Variants in HR observed in about 807,000 individuals in gnomAD.
The protein encoded by HR is lysine-specific demethylase hairless.
HR carries 83 observed loss-of-function variants against 128.6 expected under a neutral mutation model. That is an observed-to-expected ratio of 0.65 (90% CI 0.54 to 0.77). The LOEUF (loss-of-function observed/expected upper bound fraction) is 0.77, where lower values mean the gene tolerates loss of function less well. Among genes scored for constraint, HR ranks in the 30% least tolerant of loss-of-function variants. HR has a pLI of 0.00. For synonymous variants in HR, 681 were observed against 658.2 expected (o/e 1.03, Z -0.53); for missense variants, 1,490 against 1,574.6 (o/e 0.95, Z 0.91).
At chr8:22,124,481 G>A (rs56407465) in intron 5 of HR, among the ~76,000 whole-genome samples, 16,138 of 152,242 alleles carry the variant, frequency 0.11, 2,371 homozygotes, top group African/African-American at 0.33. Flanking sequence ...TTCAACGAAC[G>A]CCTTGCCTTT....
At chr8:22,120,690 G>A (rs766806568) in intron 11 of HR, 26 bp downstream of exon 11, 43 of 1,490,988 alleles carry the variant, frequency 2.9e-5, no homozygotes, top group East Asian at 5.0e-5. Context: ...GGCCAGGGCC[G>A]GGAGGGGAGG....
chr8:22,115,758 T>A lies in HR; in HGVS notation c.3512A>T (p.Asp1171Val). The A allele has an allele frequency of 6.2e-7, 1 of 1,613,750 alleles. No individual in the cohort carries two copies. Among genetic ancestry groups the A allele is most frequent in the Non-Finnish European group, 8.5e-7 (1 of 1,179,926 alleles). ...PDCHLLYAQM[D>V]WAVFQAVKVA... is the part of the protein sequence containing the mutation. ...CTTCACTGCTTGGAACACAGCCCAG[T>A]CCATCTAGGAAAAAGAGAGAGGACA... The change falls in exon 19 of 19, where the codon GAC becomes GTC. Residue 1171 changes from aspartate (D) to valine (V), a missense_variant. By Grantham distance (152) the Asp-to-Val change is radical. Coordinates refer to ENST00000381418, the MANE Select transcript of HR (RefSeq NM_005144.5).
At position 22,115,686 on chromosome 8, in the gene HR, C is replaced by T; in HGVS notation, c.*14G>A. 6.2e-7 allele frequency: 1 copy of T among 1,613,334 alleles called. No individual in the cohort carries two copies. Among genetic ancestry groups the T allele is most frequent in the East Asian group, 2.2e-5 (1 of 44,864 alleles). The stretch of plus-strand genomic sequence containing the variant: ...TACCTGTCCCCACCCCGATCCCAGA[C>T]ACCTAGCATCCCTCTATTTGGCCTC... On this transcript the variant is annotated 3_prime_UTR_variant, in exon 19 of 19. Transcript: ENST00000381418.
rs1260074598 is a variant in HR at position 22,127,097 on chromosome 8, C to T, written c.1345G>A (p.Val449Met). The T allele has an allele frequency of 6.2e-7, 1 of 1,611,102 alleles. No homozygotes were observed. The highest frequency in any genetic ancestry group is 1.3e-5 in the African/African-American group (1 of 74,902). Residue 449 changes from valine to methionine, a missense_variant, in exon 3 of 19, where the codon GTG becomes ATG. Val to Met is a conservative substitution (Grantham distance 21, BLOSUM62 1). Transcript: ENST00000381418. Reference protein sequence around the residue: ...AEQGAGGWQEVRDTSIGNKDV... With the variant: ...AEQGAGGWQEMRDTSIGNKDV... ...TTGTTCCCTATCGATGTGTCCCGCA[C>T]CTCCTGCCAACCCCCAGCCCCCTGT... is the stretch of plus-strand genomic sequence containing the variant.
At position 22,129,201 on chromosome 8, in the gene HR, A is replaced by AG. The variant is rs747745245; in HGVS notation, c.-32dup. 4.6e-6 allele frequency: 7 copies of AG among 1,517,202 alleles called. No individual in the cohort carries two copies. Among genetic ancestry groups the AG allele is most frequent in the Admixed American group, 2.3e-5 (1 of 44,128 alleles). 94.0% of individuals were successfully genotyped at this position (1,517,202 alleles called of 1,614,324 possible). ...TCCTGCCCTCATGGGGCTCTCCCAG[A>AG]GGGGGGTCCCTGGAGCATAACCATC... On this transcript the variant is annotated 5_prime_UTR_variant, in exon 2 of 19. Transcript: ENST00000381418.
At position 22,122,534 on chromosome 8, in the gene HR, C is replaced by T; in HGVS notation, c.2080G>A (p.Ala694Thr). 9 of 1,612,046 alleles carry T rather than the reference C, an allele frequency of 5.6e-6. No individual in the cohort carries two copies. Among genetic ancestry groups the T allele is most frequent in the Non-Finnish European group, 5.9e-6 (7 of 1,179,392 alleles). Residue 694 changes from alanine to threonine, a missense_variant, in exon 8 of 19, where the codon GCT (alanine) becomes ACT (threonine). By Grantham distance (58) the Ala-to-Thr change is moderately conservative (BLOSUM62 0). This residue lies in a region of HR where 1,060 missense variants were observed against 1,060.9 expected (regional missense o/e 1.00). Transcript: ENST00000381418. ...CCGGGGGCCCATACCCGGGCATCAG[C>T]TTGGCAGGGGCAGTGCCCCCGGATA... ...FDIRGHCPCQ[A>T]DARVWAPGDA...
chr8:22,130,761 G>C lies in HR; in HGVS notation c.-374C>G, dbSNP rs1256592439. On this transcript the variant is annotated 5_prime_UTR_variant, in exon 1 of 19. Transcript: ENST00000381418. The stretch of plus-strand genomic sequence containing the variant: ...CGGGGAGGGCCGGGCCGGGGCTAGG[G>C]AGCGGGTGCCCCCGGAGGGAGAGAA... 2 of 152,310 alleles carry C rather than the reference G, an allele frequency of 1.3e-5. No individual in the cohort carries two copies. The highest frequency in any genetic ancestry group is 4.8e-5 in the African/African-American group (2 of 41,546). 9.4% of individuals were successfully genotyped at this position (152,310 alleles called of 1,614,324 possible).
chr8:22,123,535 C>T (rs1826806353), intron 6 of HR, 114 bp downstream of exon 6: 1 of 1,009,382 alleles, frequency 9.9e-7, no homozygotes, highest in African/African-American at 1.6e-5. Flanking sequence ...GAGGCTGGGG[C>T]TGTGCAGTGG....
intron 3 of HR, among the ~76,000 whole-genome samples, chr8:22,126,331 A>T (rs1455452827): frequency 6.6e-6 from 1 of 152,220 alleles, no homozygotes. Flanking sequence ...GAAAAAACCG[A>T]AGTGATCCCA....
At chr8:22,126,920 G>T in intron 3 of HR, 117 bp downstream of exon 3, 1 of 1,023,578 alleles carries the variant, frequency 9.8e-7, no homozygotes, top group Non-Finnish European at 1.4e-6. Context: ...ATCCAGGTGG[G>T]AGCCTGACCA....
At chr8:22,118,575 C>T (rs1826649824) in intron 16 of HR, 1 of 295,226 alleles carries the variant, frequency 3.4e-6, no homozygotes, top group Admixed American at 4.6e-5. Flanking sequence ...CCCAGCCCTG[C>T]CACTGAGCTT....
chr8:22,121,344 C>G, intron 9 of HR, 116 bp from the exon 10 acceptor site: 2 of 1,331,976 alleles, frequency 1.5e-6, no homozygotes, highest in Admixed American at 2.0e-5. Context: ...TCTCCCCAGC[C>G]AGCATCCCCC....
At chr8:22,122,425 C>G in intron 8 of HR, 68 bp downstream of exon 8, 1 of 1,157,468 alleles carries the variant, frequency 8.6e-7, no homozygotes, top group Non-Finnish European at 1.3e-6. Context: ...AAAGGGGGGG[C>G]CAAACCCCTG....
At chr8:22,121,264 T>G (rs1444657782) in intron 9 of HR, 36 bp from the exon 10 acceptor site, 19 of 1,609,088 alleles carry the variant, frequency 1.2e-5, no homozygotes, top group Non-Finnish European at 1.6e-5. Flanking sequence ...GCTTCGCGTT[T>G]GGTCCCTCCT....
intron 5 of HR, 152 bp downstream of exon 5, chr8:22,125,159 A>G: frequency 1.4e-6 from 1 of 722,814 alleles, no homozygotes; most frequent in Non-Finnish European, 2.2e-6. Context: ...GGCTGTACCC[A>G]GTTTGACACC....
chr8:22,119,603 G>A (rs1298711257), intron 14 of HR, among the ~76,000 whole-genome samples, 157 bp downstream of exon 14: 9 of 149,982 alleles, frequency 6.0e-5, no homozygotes, highest in African/African-American at 2.2e-4. Flanking sequence ...GCAAAACTCC[G>A]TCTCAACAAC....
chr8:22,130,253 C>T (rs2131771516), intron 1 of HR, among the ~76,000 whole-genome samples, 175 bp downstream of exon 1: 1 of 152,348 alleles, frequency 6.6e-6, no homozygotes, highest in South Asian at 2.1e-4. Context: ...CCCAGGTTTT[C>T]TGGAGCCACC....
At position 22,125,619 on chromosome 8, in the gene HR, C is replaced by T. The variant is rs1279953503; in HGVS notation, c.1519G>A (p.Gly507Arg). The T allele has an allele frequency of 6.2e-7, 1 of 1,608,674 alleles. No individual in the cohort carries two copies. The highest frequency in any genetic ancestry group is 1.3e-5 in the African/African-American group (1 of 74,876). Reference sequence around the variant, plus strand: ...TGAGAGTGGCAGGCGTGCCCTCCTCCCTCTCCAGCTGCCTGGGCACAACTT... The same window carrying T: ...TGAGAGTGGCAGGCGTGCCCTCCTCTCTCTCCAGCTGCCTGGGCACAACTT... ...CQSCAQAAGE[G>R]GGHACHSQQV... Residue 507 changes from glycine to arginine, a missense_variant, in exon 4 of 19, where the codon GGA becomes AGA. Physicochemically the swap from Gly to Arg is moderately radical, Grantham distance 125 (BLOSUM62 -2). Transcript: ENST00000381418.
chr8:22,121,714 C>A lies in HR; in HGVS notation c.2122-20G>T, dbSNP rs753562307. On this transcript the variant is annotated intron_variant, in intron 8 of 18. Transcript: ENST00000381418. ...TTCCTTCTGTTAAACCCATCCACCACCCCCCCAATCCAACCAGAGATTTTA... is the reference window on the plus strand; with the variant it reads ...TTCCTTCTGTTAAACCCATCCACCAACCCCCCAATCCAACCAGAGATTTTA... 2 of 1,603,304 alleles carry A rather than the reference C, an allele frequency of 1.2e-6. No individual in the cohort carries two copies. The highest frequency in any genetic ancestry group is 1.1e-5 in the South Asian group (1 of 90,844).
Sources: allele counts gnomAD v4.1 joint callset (sites outside exome capture counted in the v4.1 genomes callset), GRCh38; gene constraint gnomAD v4.1.1; regional missense constraint gnomAD v4.1.1; transcripts MANE v1.5; gene names NCBI Gene and HGNC (gene_info 2026-07-23, HGNC 2026-07-21).